The following NME9 variants were observed in gnomAD, a reference collection of about 807,000 sequenced individuals.
NME9 encodes thioredoxin domain-containing protein 6.
In NME9, 48 loss-of-function variants were observed where a neutral mutation model predicts 44.4. That is an observed-to-expected ratio of 1.08 (90% CI 0.86 to 1.37). NME9 has a LOEUF of 1.37. Ranked by LOEUF, NME9 falls within the 40% of genes most tolerant of loss-of-function variation. The probability of loss-of-function intolerance (pLI) is 0.00; values close to 1 mark genes in which losing one functional copy is unlikely to be tolerated. For missense variants in NME9, 325 were observed against 405.2 expected, an observed-to-expected ratio of 0.80 and a Z score of 1.70; for synonymous variants, 139 against 147.1, an observed-to-expected ratio of 0.94 and a Z score of 0.40.
chr3:138,270,438 C>CA (rs1299025302), intron 8 of NME9, among the ~76,000 whole-genome samples: 1 of 152,138 alleles, frequency 6.6e-6, no homozygotes, highest in Admixed American at 6.5e-5. Context: ...TGTGTAGCGC[C>CA]ACCTACTTTA....
intron 6 of NME9, 88 bp downstream of exon 6, chr3:138,314,244 C>T (rs929683083): frequency 1.4e-6 from 1 of 698,974 alleles, no homozygotes; most frequent in Non-Finnish European, 2.4e-6. Context: ...TCAGATTGCT[C>T]AGTAAACTGA....
chr3:138,314,271 A>C, intron 6 of NME9, 61 bp downstream of exon 6: 2 of 958,468 alleles, frequency 2.1e-6, no homozygotes, highest in East Asian at 4.9e-5. Flanking sequence ...ATCTATTTTA[A>C]ACATATATAA....
chr3:138,263,609 T>A (rs2047973217), intron 8 of NME9: 1 of 814,838 alleles, frequency 1.2e-6, no homozygotes, highest in Admixed American at 1.8e-5. Flanking sequence ...AAGATGATTG[T>A]TTGAGAGGTA....
At chr3:138,290,333 G>A (rs1420532877) in intron 8 of NME9, among the ~76,000 whole-genome samples, 1 of 152,150 alleles carries the variant, frequency 6.6e-6, no homozygotes, top group African/African-American at 2.4e-5. Flanking sequence ...ATAGACTGCA[G>A]GCAGGATGAT....
chr3:138,315,436 A>G (rs1577172220), intron 5 of NME9, 91 bp downstream of exon 5: 1 of 827,054 alleles, frequency 1.2e-6, no homozygotes, highest in East Asian at 2.7e-5. Context: ...CGACAGCTCC[A>G]GGAAAGTCAG....
intron 7 of NME9, 55 bp from the exon 8 acceptor site, chr3:138,306,151 GATTA>G (rs1160035134): frequency 7.0e-6 from 9 of 1,277,650 alleles, no homozygotes; most frequent in South Asian, 1.2e-5. Context: ...AATTCACATT[GATTA>G]ATTAATTTAG....
intron 8 of NME9, among the ~76,000 whole-genome samples, chr3:138,305,265 A>G (rs1200525277): frequency 1.3e-5 from 2 of 152,188 alleles, no homozygotes; most frequent in African/African-American, 2.4e-5. Flanking sequence ...ACTCAGAATG[A>G]CGAGACTTTT....
Position 138,327,343 on chromosome 3 carries a change from C to T in NME9, c.33+1960G>A, listed in dbSNP as rs114767151. 7.1e-3 allele frequency among the ~76,000 whole-genome samples: 1,083 copies of T among 152,056 alleles called. 12 individuals carry two copies. The highest frequency in any genetic ancestry group is 0.024 in the African/African-American group (1,011 of 41,454). ...TCCTGAGGAAGGTGATAGAAGCGTT[C>T]GGAAGGGCCCCACACCCCTACCCAG... On this transcript the variant is annotated intron_variant, in intron 1 of 10. Transcript: ENST00000333911.
At chr3:138,316,604 CTATT>C (rs111458947) in intron 4 of NME9, among the ~76,000 whole-genome samples, 3,660 of 151,820 alleles carry the variant, frequency 0.024, 157 homozygotes, top group African/African-American at 0.084. Flanking sequence ...TTTCAAAAGT[CTATT>C]TATTTATTTA....
At chr3:138,290,856 G>A (rs990440834) in intron 8 of NME9, among the ~76,000 whole-genome samples, 9 of 152,198 alleles carry the variant, frequency 5.9e-5, no homozygotes, top group African/African-American at 1.9e-4. Context: ...GTGAATTCAC[G>A]TGAGTCTGGG....
chr3:138,315,781 G>C lies in NME9; in HGVS notation c.268-138C>G, dbSNP rs151021160. On this transcript the variant is annotated intron_variant, in intron 4 of 10. Transcript: ENST00000333911. ...CTGTAGCAGCGTGCTCACTTCTGCT[G>C]CCCTCCCTTGGCAGGACACCCTCAG... 546 of 645,016 alleles carry C rather than the reference G, an allele frequency of 8.5e-4. 3 individuals carry two copies. The highest frequency in any genetic ancestry group is 7.8e-3 in the African/African-American group (431 of 55,058). The allele number at this position is 645,016 out of a possible 1,614,324, so 40.0% of individuals were successfully genotyped here.
exon 9 of NME9, chr3:138,262,498 ACTCT>A: frequency 6.3e-7 from 1 of 1,583,432 alleles, no homozygotes; most frequent in East Asian, 2.2e-5. Context: ...GAGGTTTTCC[ACTCT>A]CTCATGTTCT....
intron 9 of NME9, among the ~76,000 whole-genome samples, chr3:138,303,865 G>T (rs185692036): frequency 2.4e-4 from 37 of 152,172 alleles, no homozygotes; most frequent in Admixed American, 1.5e-3. Context: ...TTACCTACAC[G>T]ATCCCATTAC....
At chr3:138,285,231 A>C (rs2050295053) in intron 8 of NME9, among the ~76,000 whole-genome samples, 1 of 152,116 alleles carries the variant, frequency 6.6e-6, no homozygotes. Flanking sequence ...CCTGCCCCTC[A>C]TTCTTTAGAC....
At chr3:138,290,803 G>A (rs1403189093) in intron 8 of NME9, among the ~76,000 whole-genome samples, 2 of 152,308 alleles carry the variant, frequency 1.3e-5, no homozygotes, top group African/African-American at 2.4e-5. Context: ...TGAGTGAGCT[G>A]TAAACTAATA....
chr3:138,290,658 AG>A (rs1560058969), intron 8 of NME9: 1 of 1,550,042 alleles, frequency 6.5e-7, no homozygotes, highest in Non-Finnish European at 8.8e-7. Context: ...GAATGTGAAA[AG>A]GCCTTGCTTT....
Position 138,329,188 on chromosome 3 carries a change from T to A in NME9, c.33+115A>T. On this transcript the variant is annotated intron_variant, in intron 1 of 10. Coordinates refer to ENST00000333911, the MANE Select transcript of NME9 (RefSeq NM_001349018.2). The stretch of plus-strand genomic sequence containing the variant: ...GTACATCACTCAAGTTTGAGAACAC[T>A]GTCACGTACTGCTGGCAAACAGAAT... 3 of 907,954 alleles carry A rather than the reference T, an allele frequency of 3.3e-6. No homozygotes were observed. The South Asian group carries it at 4.7e-5, about 14-fold the overall frequency. The allele number at this position is 907,954 out of a possible 1,614,324, so 56.2% of individuals were successfully genotyped here. A position where few individuals can be genotyped will look rare whatever the true frequency, so the allele number is the denominator to read the frequency against.
At chr3:138,289,741 A>G (rs2050763209) in intron 8 of NME9, among the ~76,000 whole-genome samples, 1 of 152,158 alleles carries the variant, frequency 6.6e-6, no homozygotes, top group South Asian at 2.1e-4. Context: ...AAGGTAGCAA[A>G]TACAGGAGAG....
At chr3:138,284,665 T>G in intron 8 of NME9, 2 of 647,346 alleles carry the variant, frequency 3.1e-6, no homozygotes, top group Non-Finnish European at 5.3e-6. Context: ...AAGAACTCTC[T>G]TCCATCCTGA....
Sources: allele counts gnomAD v4.1 joint callset (sites outside exome capture counted in the v4.1 genomes callset), GRCh38; gene constraint gnomAD v4.1.1; transcripts MANE v1.5; gene names NCBI Gene and HGNC (gene_info 2026-07-23, HGNC 2026-07-21).